Variants in ROCK2 observed in about 807,000 individuals in gnomAD.
ROCK2 encodes the protein rho-associated protein kinase 2.
In ROCK2, 61 loss-of-function variants were observed where a neutral mutation model predicts 195.1. That is an observed-to-expected ratio of 0.31 (90% CI 0.25 to 0.39). The LOEUF (loss-of-function observed/expected upper bound fraction) is 0.39, where lower values mean the gene tolerates loss of function less well. Among genes scored for constraint, ROCK2 ranks in the 10% least tolerant of loss-of-function variants. The pLI, the probability that ROCK2 is intolerant of heterozygous loss-of-function variation, is 1.00. For synonymous variants in ROCK2, 504 were observed against 545.5 expected (o/e 0.92, Z 1.06); for missense variants, 1,109 against 1,637.4 (o/e 0.68, Z 5.57).
At chr2:11,194,834 A>T in intron 28 of ROCK2, 121 bp downstream of exon 28, 1 of 444,884 alleles carries the variant, frequency 2.2e-6, no homozygotes, top group Non-Finnish European at 4.0e-6. Flanking sequence ...ATCCTGAAGT[A>T]TAAACAAGTT....
In ROCK2 at chr2:11,192,684, T is replaced by C. The variant is rs1322385537; in HGVS notation, c.3716A>G (p.Lys1239Arg). ...CTCCACTGGAAATTCTTGTTCCTTC[T>C]TACTTTCTCCTTCATTGGCATACAG... ...QILYANEGESKKEQEFPVEPV... is the reference protein window; with the variant it reads ...QILYANEGESRKEQEFPVEPV... Residue 1239 changes from lysine (K) to arginine (R), a missense_variant, in exon 31 of 33, where the codon AAG (lysine) becomes AGG (arginine). Lys to Arg is a conservative substitution (Grantham distance 26). Coordinates refer to ENST00000315872, the MANE Select transcript of ROCK2 (RefSeq NM_004850.5). The surrounding 1 kb of genome is among the most constrained non-coding windows in gnomAD (Gnocchi z 5.0). 1.2e-6 allele frequency: 2 copies of C among 1,613,490 alleles called. No homozygotes were observed. The highest frequency in any genetic ancestry group is 2.2e-5 in the South Asian group (2 of 91,046).
intron 20 of ROCK2, among the ~76,000 whole-genome samples, chr2:11,203,571 G>A (rs961609581): frequency 2.0e-5 from 3 of 152,140 alleles, no homozygotes; most frequent in Non-Finnish European, 4.4e-5. Flanking sequence ...CTCAGAGGGA[G>A]CACGTGATTT....
At chr2:11,265,745 C>T (rs1178982494) in intron 3 of ROCK2, among the ~76,000 whole-genome samples, 1 of 151,930 alleles carries the variant, frequency 6.6e-6, no homozygotes, top group Non-Finnish European at 1.5e-5. Flanking sequence ...AAACAGCGAC[C>T]AGGAAAAAAT....
chr2:11,217,126 T>C lies in ROCK2; in HGVS notation c.1376A>G (p.Glu459Gly). ...TTCCAGTTCCTCTTTGGCTTGCATC[T>C]CATTGCTAAGATGTTCTTCTAATGT... The part of the protein sequence containing the change: ...LYTLEEHLSN[E>G]MQAKEELEQK... Residue 459 changes from glutamate (E) to glycine (G), a missense_variant, in exon 12 of 33, where the codon GAG (glutamate) becomes GGG (glycine). Transcript: ENST00000315872. The C allele has an allele frequency of 6.3e-7, 1 of 1,577,364 alleles. No individual in the cohort carries two copies. The highest frequency in any genetic ancestry group is 1.7e-4 in the Middle Eastern group (1 of 5,978).
At chr2:11,189,977 A>G (rs1663353109) in intron 32 of ROCK2, among the ~76,000 whole-genome samples, 1 of 152,138 alleles carries the variant, frequency 6.6e-6, no homozygotes. Context: ...CCTGGGCAAC[A>G]GAGTGAGACC....
rs201462387 is a variant in ROCK2, at chr2:11,227,243, T to C, written c.868+11A>G. ...AGCATTTTGAAAAAAGAAGTTAAAA[T>C]ATTTACTTACCCACTAGCATCTCAT... On this transcript the variant is annotated intron_variant, in intron 6 of 32. Transcript: ENST00000315872. The C allele has an allele frequency of 3.7e-5, 59 of 1,600,868 alleles. No individual in the cohort carries two copies. The highest frequency in any genetic ancestry group is 5.0e-5 in the Non-Finnish European group (59 of 1,174,202).
At chr2:11,276,217 A>G (rs1292110442) in intron 3 of ROCK2, among the ~76,000 whole-genome samples, 2 of 152,244 alleles carry the variant, frequency 1.3e-5, no homozygotes, top group African/African-American at 4.8e-5. Flanking sequence ...GAGAAATTAG[A>G]TAATAAAAAA....
At chr2:11,229,047 GAAGGAT>G (rs984484357) in intron 5 of ROCK2, among the ~76,000 whole-genome samples, 13 of 152,122 alleles carry the variant, frequency 8.5e-5, no homozygotes, top group African/African-American at 2.4e-4. Context: ...ATGAAGACTG[GAAGGAT>G]AAGCTGCATA....
chr2:11,247,113 T>C (rs1171138825), intron 4 of ROCK2, among the ~76,000 whole-genome samples: 4 of 152,122 alleles, frequency 2.6e-5, no homozygotes, highest in East Asian at 1.9e-4. Flanking sequence ...AAGACATACA[T>C]ACATGTTGTG....
intron 7 of ROCK2, 48 bp downstream of exon 7, chr2:11,224,274 A>T: frequency 6.6e-7 from 1 of 1,514,430 alleles, no homozygotes; most frequent in Non-Finnish European, 9.0e-7. Flanking sequence ...TTATTTCTAT[A>T]AATTTAACAT....
At chr2:11,269,642 A>G (rs1001853399) in intron 3 of ROCK2, among the ~76,000 whole-genome samples, 15 of 152,134 alleles carry the variant, frequency 9.9e-5, no homozygotes, top group Non-Finnish European at 1.6e-4. Flanking sequence ...TTCTTCGGAT[A>G]TAAGACATAT....
At chr2:11,220,725 A>G (rs774063438) in intron 9 of ROCK2, among the ~76,000 whole-genome samples, 9 of 152,092 alleles carry the variant, frequency 5.9e-5, no homozygotes, top group Non-Finnish European at 1.2e-4. Context: ...ACCTCCCCAC[A>G]TTTCAGCCAC....
chr2:11,255,004 T>C (rs1343389252), intron 3 of ROCK2, among the ~76,000 whole-genome samples: 2 of 151,616 alleles, frequency 1.3e-5, no homozygotes, highest in Admixed American at 6.6e-5. Context: ...GATCATGAGG[T>C]CAGGAGATTG....
intron 3 of ROCK2, among the ~76,000 whole-genome samples, chr2:11,266,483 A>G (rs1211746552): frequency 6.6e-6 from 1 of 152,238 alleles, no homozygotes; most frequent in Non-Finnish European, 1.5e-5. Flanking sequence ...GTGACATACT[A>G]AAGTTACTTG....
At chr2:11,334,226 A>G (rs1668852334) in intron 1 of ROCK2, among the ~76,000 whole-genome samples, 1 of 152,184 alleles carries the variant, frequency 6.6e-6, no homozygotes, top group Non-Finnish European at 1.5e-5. Context: ...TTATTTAAAA[A>G]AAGAGGCCAG....
intron 1 of ROCK2, among the ~76,000 whole-genome samples, chr2:11,294,552 G>T (rs1667455195): frequency 6.6e-6 from 1 of 152,132 alleles, no homozygotes; most frequent in South Asian, 2.1e-4. Context: ...GCACAGCTTA[G>T]AAGCATTAAG....
intron 1 of ROCK2, among the ~76,000 whole-genome samples, chr2:11,290,329 T>C (rs1462556260): frequency 6.6e-6 from 1 of 152,058 alleles, no homozygotes; most frequent in Non-Finnish European, 1.5e-5. Flanking sequence ...CCAGACACAG[T>C]GGCACACCCC....
chr2:11,245,115 A>T (rs910632036), intron 4 of ROCK2, among the ~76,000 whole-genome samples: 1 of 151,798 alleles, frequency 6.6e-6, no homozygotes, highest in Non-Finnish European at 1.5e-5. Context: ...TTTTCAGTGC[A>T]CTATAAAAGA....
chr2:11,290,157 A>T (rs1667316207), intron 1 of ROCK2, among the ~76,000 whole-genome samples: 1 of 152,210 alleles, frequency 6.6e-6, no homozygotes, highest in African/African-American at 2.4e-5. Flanking sequence ...AAGTATATGA[A>T]ATTAATACTG....
Sources: allele counts gnomAD v4.1 joint callset (sites outside exome capture counted in the v4.1 genomes callset), GRCh38; gene constraint gnomAD v4.1.1; non-coding constraint Gnocchi (gnomAD v3.1); transcripts MANE v1.5; gene names NCBI Gene and HGNC (gene_info 2026-07-23, HGNC 2026-07-21).